Variants in KDM6A observed in about 807,000 individuals in gnomAD.
The protein encoded by KDM6A is lysine demethylase 6A, also known as lysine-specific demethylase 6A.
A neutral mutation model predicts 117.6 loss-of-function variants in KDM6A; 11 were observed. The observed-to-expected ratio is 0.09, with a 90% confidence interval of 0.06 to 0.15. KDM6A has a LOEUF of 0.15. Among genes scored for constraint, KDM6A ranks in the 10% least tolerant of loss-of-function variants. The probability of loss-of-function intolerance (pLI) is 1.00; values close to 1 mark genes in which losing one functional copy is unlikely to be tolerated. For missense variants in KDM6A, 799 were observed against 1,077.3 expected (o/e 0.74, Z 3.62); for synonymous variants, 384 against 396.1 (o/e 0.97, Z 0.36).
chrX:45,031,168 A>G (rs2147751449), intron 6 of KDM6A, among the ~76,000 whole-genome samples: 1 of 112,491 alleles, frequency 8.9e-6, no homozygotes, highest in South Asian at 3.6e-4. Flanking sequence ...CCTCAGCCTG[A>G]AGTAACTCTT....
chrX:44,941,889 GAT>G (rs768908041), intron 2 of KDM6A, among the ~76,000 whole-genome samples: 10 of 110,674 alleles, frequency 9.0e-5, no homozygotes, highest in Non-Finnish European at 1.9e-4. Context: ...TTCCTTTTGA[GAT>G]ATTTTTCTGC....
chrX:44,922,765 G>A (rs1602206531), intron 2 of KDM6A, among the ~76,000 whole-genome samples: 1 of 112,520 alleles, frequency 8.9e-6, no homozygotes, highest in Admixed American at 9.3e-5. Flanking sequence ...CACTGCGCCC[G>A]GCCTAATTTG....
intron 3 of KDM6A, among the ~76,000 whole-genome samples, chrX:44,962,264 A>T (rs1025613012): frequency 9.8e-5 from 11 of 112,014 alleles, no homozygotes; most frequent in African/African-American, 3.2e-4. Context: ...TTCCTAATGA[A>T]AATGCAATTT....
intron 10 of KDM6A, among the ~76,000 whole-genome samples, chrX:45,056,885 A>G (rs762716600): frequency 8.9e-6 from 1 of 111,895 alleles, no homozygotes; most frequent in South Asian, 3.7e-4. Context: ...TGATTTCACA[A>G]CAACTACAGA....
Position 44,893,659 on chromosome X carries a change from G to A in KDM6A, c.225+19672G>A, listed in dbSNP as rs189545410. On this transcript the variant is annotated intron_variant, in intron 2 of 29. Coordinates refer to ENST00000611820, the MANE Select transcript of KDM6A (RefSeq NM_001291415.2). ...TGAGTAGCTGGGACTACAGGTGCCCGCCACCATGCCTGGCTAATTTTTTGT... is the reference window on the plus strand; with the variant it reads ...TGAGTAGCTGGGACTACAGGTGCCCACCACCATGCCTGGCTAATTTTTTGT... 9.6e-3 allele frequency among the ~76,000 whole-genome samples: 1,047 copies of A among 109,504 alleles called. 5 individuals carry two copies. Among genetic ancestry groups the A allele is most frequent in the Non-Finnish European group, 0.015 (806 of 52,537 alleles).
Position 44,901,933 on chromosome X carries a change from T to TA in KDM6A, c.225+27953dup, listed in dbSNP as rs779063677. Among the ~76,000 whole-genome samples, 488 of 112,420 alleles carry TA rather than the reference T, an allele frequency of 4.3e-3. 8 individuals carry two copies. The highest frequency in any genetic ancestry group is 0.015 in the African/African-American group (463 of 30,945). The stretch of plus-strand genomic sequence containing the variant: ...AAAGCATATAGTTGTGTTATGCCTT[T>TA]AAAAAAATTCAGACTGGGTGTGGTG... On this transcript the variant is annotated intron_variant, in intron 2 of 29. Transcript: ENST00000611820.
In KDM6A at chrX:45,045,588, G is replaced by GAA. The variant is rs569636939; in HGVS notation, c.655-6101_655-6100dup. 8.4e-4 allele frequency among the ~76,000 whole-genome samples: 30 copies of GAA among 35,662 alleles called. 1 individual carries two copies. The highest frequency in any genetic ancestry group is 0.019 in the Middle Eastern group (1 of 52). 31.0% of individuals were successfully genotyped at this position (35,662 alleles called of 115,157 possible). ...GTGACAGAGCAAGACTCTGTCTCAAGAAAAAAAAAAAAAAAAAAAAAGTGA... is the reference window on the plus strand; with the variant it reads ...GTGACAGAGCAAGACTCTGTCTCAAGAAAAAAAAAAAAAAAAAAAAAAAGTGA... On this transcript the variant is annotated intron_variant, in intron 8 of 29. Coordinates refer to ENST00000611820, the MANE Select transcript of KDM6A (RefSeq NM_001291415.2).
intron 7 of KDM6A, among the ~76,000 whole-genome samples, chrX:45,035,531 G>A (rs2042774344): frequency 9.0e-6 from 1 of 110,764 alleles, no homozygotes; most frequent in Non-Finnish European, 1.9e-5. Context: ...CTGCTTCTAT[G>A]TAGGTGTCTT....
rs762403132 is a variant in KDM6A, at chrX:44,911,372, T to A, written c.225+37385T>A. On this transcript the variant is annotated intron_variant, in intron 2 of 29. Transcript: ENST00000611820. ...AGACGGGGTGGCCGGGCAGAGACGC[T>A]CCTCACCTCCCAGACAGGGTCGCGG... Among the ~76,000 whole-genome samples the A allele has an allele frequency of 1.3e-3, 136 of 100,822 alleles. 1 individual carries two copies. The highest frequency in any genetic ancestry group is 6.0e-3 in the South Asian group (13 of 2,168). 87.6% of individuals were successfully genotyped at this position (100,822 alleles called of 115,157 possible). A position where few individuals can be genotyped will look rare whatever the true frequency, so the allele number is the denominator to read the frequency against.
Position 45,059,383 on chromosome X carries a change from G to A in KDM6A, c.1111G>A (p.Ala371Thr). 8.3e-7 allele frequency: 1 copy of A among 1,210,288 alleles called. No homozygotes were observed. The highest frequency in any genetic ancestry group is 1.8e-5 in the South Asian group (1 of 56,953). Residue 371 changes from alanine (A) to threonine (T), a missense_variant, in exon 12 of 30, where the codon GCC (alanine) becomes ACC (threonine). Around this residue, in one of 8 missense-constraint regions of KDM6A, gnomAD observed 36 missense variants for 44.4 expected, o/e 0.81. Coordinates refer to ENST00000611820, the MANE Select transcript of KDM6A (RefSeq NM_001291415.2). ...LYESCNQPQD[A>T]IKCYLNATRS... ...TGAATCCTGCAACCAGCCTCAGGAT[G>A]CCATTAAATGCTACTTAAATGCAAC... is the stretch of plus-strand genomic sequence containing the variant.
At chrX:44,925,213 C>T (rs1360335068) in intron 2 of KDM6A, among the ~76,000 whole-genome samples, 2 of 111,155 alleles carry the variant, frequency 1.8e-5, no homozygotes, top group African/African-American at 6.6e-5. Context: ...CACTTCCTAC[C>T]TTGTGAACTC....
chrX:45,004,939 A>C (rs1000131996), intron 4 of KDM6A, among the ~76,000 whole-genome samples: 1 of 109,918 alleles, frequency 9.1e-6, no homozygotes. Flanking sequence ...TTGGTCTGCC[A>C]CTCCATAAGG....
intron 10 of KDM6A, among the ~76,000 whole-genome samples, chrX:45,055,036 C>G (rs1263592006): frequency 9.0e-6 from 1 of 111,411 alleles, no homozygotes; most frequent in African/African-American, 3.3e-5. Context: ...GTCAATTATG[C>G]TGTAGTTGAG....
intron 27 of KDM6A, among the ~76,000 whole-genome samples, chrX:45,095,917 C>T (rs112280564): frequency 5.6e-4 from 63 of 112,031 alleles, no homozygotes; most frequent in African/African-American, 1.9e-3. Flanking sequence ...GCCATTTCTC[C>T]CACTGCTGCT....
intron 2 of KDM6A, among the ~76,000 whole-genome samples, chrX:44,940,704 G>A (rs73200189): frequency 2.5e-3 from 283 of 111,791 alleles, no homozygotes; most frequent in South Asian, 0.011. Flanking sequence ...GTACAAAAAT[G>A]CTTTAAAGTT....
At chrX:45,054,804 G>A (rs957216070) in intron 10 of KDM6A, among the ~76,000 whole-genome samples, 2 of 111,943 alleles carry the variant, frequency 1.8e-5, no homozygotes, top group African/African-American at 3.2e-5. Flanking sequence ...TTTGTTTAAC[G>A]TATTTAGAGA....
At chrX:44,984,118 T>A (rs1288692928) in intron 4 of KDM6A, among the ~76,000 whole-genome samples, 1 of 110,075 alleles carries the variant, frequency 9.1e-6, no homozygotes, top group Non-Finnish European at 1.9e-5. Flanking sequence ...TGGTGTGAGA[T>A]GGTATCTCAT....
intron 7 of KDM6A, among the ~76,000 whole-genome samples, chrX:45,035,793 G>A (rs183951589): frequency 1.5e-4 from 16 of 108,598 alleles, no homozygotes; most frequent in Admixed American, 7.9e-4. Context: ...TCCGCCTACC[G>A]GGTTGACGCC....
chrX:45,085,818 C>A, intron 24 of KDM6A, 47 bp from the exon 25 acceptor site: 1 of 699,703 alleles, frequency 1.4e-6, no homozygotes, highest in Non-Finnish European at 2.3e-6. Context: ...CGTGTGCTAA[C>A]CAATTGCACC....
Sources: allele counts gnomAD v4.1 joint callset (sites outside exome capture counted in the v4.1 genomes callset), GRCh38; gene constraint gnomAD v4.1.1; regional missense constraint gnomAD v4.1.1; transcripts MANE v1.5; gene names NCBI Gene and HGNC (gene_info 2026-07-23, HGNC 2026-07-21).